ZDHHC14: variants seen among roughly 807,000 people sequenced by gnomAD.
The protein encoded by ZDHHC14 is palmitoyltransferase ZDHHC14.
ZDHHC14 carries 16 observed loss-of-function variants against 47.7 expected under a neutral mutation model. That is an observed-to-expected ratio of 0.34 (90% CI 0.23 to 0.51). The LOEUF is 0.51. ZDHHC14 is among the 20% of genes least tolerant of loss of function. ZDHHC14 has a pLI of 0.97. For synonymous variants in ZDHHC14, 293 were observed against 278.9 expected, an observed-to-expected ratio of 1.05 and a Z score of -0.50; for missense variants, 515 against 662.5, an observed-to-expected ratio of 0.78 and a Z score of 2.44.
chr6:157,465,717 T>G (rs1779196162), intron 1 of ZDHHC14, among the ~76,000 whole-genome samples: 1 of 152,170 alleles, frequency 6.6e-6, no homozygotes, highest in Non-Finnish European at 1.5e-5. Context: ...CCTCTGTGCC[T>G]TGGTCACTCT....
intron 1 of ZDHHC14, among the ~76,000 whole-genome samples, chr6:157,464,857 C>CTACGTCCCTCACAAA (rs1369913764): frequency 6.6e-6 from 1 of 152,182 alleles, no homozygotes; most frequent in Non-Finnish European, 1.5e-5. Flanking sequence ...TCACAAATCT[C>CTACGTCCCTCACAAA]TCTCGTACGT....
At chr6:157,622,238 AAT>A (rs1240198896) in intron 3 of ZDHHC14, among the ~76,000 whole-genome samples, 19 of 126,362 alleles carry the variant, frequency 1.5e-4, no homozygotes, top group African/African-American at 5.0e-4. Flanking sequence ...AAAAAAAAAA[AAT>A]AGCCAGATGT....
At chr6:157,583,646 C>T (rs999315251) in intron 2 of ZDHHC14, among the ~76,000 whole-genome samples, 3 of 152,136 alleles carry the variant, frequency 2.0e-5, no homozygotes, top group African/African-American at 4.8e-5. Context: ...AGCTCCTTGG[C>T]GTTTCCACAC....
intron 1 of ZDHHC14, among the ~76,000 whole-genome samples, chr6:157,425,447 A>C (rs1463214295): frequency 6.6e-6 from 1 of 152,166 alleles, no homozygotes; most frequent in Non-Finnish European, 1.5e-5. Flanking sequence ...TTAAATCTCT[A>C]ATTTCTTTCT....
Position 157,673,346 on chromosome 6 carries a change from A to G in ZDHHC14, c.*224A>G, listed in dbSNP as rs978721990. Reference sequence around the variant, plus strand: ...TCTTCCCCAACCTGAGTGCTTTGACAACAATGGAAATAGAGAAGTGGCTGC... The same window carrying G: ...TCTTCCCCAACCTGAGTGCTTTGACGACAATGGAAATAGAGAAGTGGCTGC... On this transcript the variant is annotated 3_prime_UTR_variant, in exon 9 of 9. Transcript: ENST00000359775. This position sits in a 1 kb window ranked among gnomAD's most constrained non-coding sequence, Gnocchi z 5.4. 3.1e-5 allele frequency: 18 copies of G among 580,674 alleles called. No homozygotes were observed. The highest frequency in any genetic ancestry group is 2.4e-4 in the Admixed American group (6 of 25,530). 36.0% of individuals were successfully genotyped at this position (580,674 alleles called of 1,614,324 possible).
intron 8 of ZDHHC14, among the ~76,000 whole-genome samples, chr6:157,671,515 G>A (rs1414670581): frequency 6.6e-6 from 1 of 152,208 alleles, no homozygotes; most frequent in African/African-American, 2.4e-5. Flanking sequence ...GGCTCAAGTT[G>A]AAGATTTATA....
chr6:157,424,927 G>A (rs183160369), intron 1 of ZDHHC14, among the ~76,000 whole-genome samples: 4 of 150,226 alleles, frequency 2.7e-5, no homozygotes, highest in East Asian at 4.1e-4. Context: ...CCGCCAGCCC[G>A]CCCACTCTCA....
intron 1 of ZDHHC14, among the ~76,000 whole-genome samples, chr6:157,517,241 G>A (rs919682802): frequency 6.6e-6 from 1 of 152,104 alleles, no homozygotes; most frequent in Non-Finnish European, 1.5e-5. Flanking sequence ...TAGTGGGAGT[G>A]GCTGCTTCCC....
chr6:157,384,329 C>T (rs1259545511), intron 1 of ZDHHC14, among the ~76,000 whole-genome samples: 1 of 152,180 alleles, frequency 6.6e-6, no homozygotes, highest in East Asian at 1.9e-4. Flanking sequence ...AGCTTCTAAC[C>T]AAACCATCAT....
At chr6:157,645,542 C>T (rs572752257) in intron 5 of ZDHHC14, among the ~76,000 whole-genome samples, 195 bp from the exon 6 acceptor site, 2 of 152,288 alleles carry the variant, frequency 1.3e-5, no homozygotes, top group South Asian at 4.1e-4. Flanking sequence ...GCAGGTGACA[C>T]CCCCTGCCCT....
chr6:157,602,621 C>T (rs1353761819), intron 3 of ZDHHC14, among the ~76,000 whole-genome samples: 1 of 152,036 alleles, frequency 6.6e-6, no homozygotes, highest in Non-Finnish European at 1.5e-5. Flanking sequence ...TATAGACTAC[C>T]TGGGGTACTG....
At chr6:157,606,852 C>T (rs150070545) in intron 3 of ZDHHC14, among the ~76,000 whole-genome samples, 6,283 of 152,298 alleles carry the variant, frequency 0.041, 179 homozygotes, top group Non-Finnish European at 0.062. Context: ...TTTCCACTAA[C>T]GTCTAAATGA....
intron 1 of ZDHHC14, among the ~76,000 whole-genome samples, chr6:157,485,119 A>T (rs1233751347): frequency 1.3e-5 from 2 of 152,126 alleles, no homozygotes; most frequent in Non-Finnish European, 2.9e-5. Context: ...AAAATAAATA[A>T]AATAAAATAA....
At chr6:157,569,302 G>T (rs918311763) in intron 2 of ZDHHC14, among the ~76,000 whole-genome samples, 1 of 151,928 alleles carries the variant, frequency 6.6e-6, no homozygotes, top group Non-Finnish European at 1.5e-5. Flanking sequence ...CTTTGAAGGT[G>T]TGGTTTTAAC....
chr6:157,391,008 G>GT (rs1211752122), intron 1 of ZDHHC14, among the ~76,000 whole-genome samples: 1 of 152,144 alleles, frequency 6.6e-6, no homozygotes, highest in African/African-American at 2.4e-5. Context: ...CAGGCCACTA[G>GT]TGTGTGTGAG....
chr6:157,412,491 C>G (rs1777890097), intron 1 of ZDHHC14, among the ~76,000 whole-genome samples: 1 of 152,082 alleles, frequency 6.6e-6, no homozygotes, highest in African/African-American at 2.4e-5. Context: ...CAGGGTTTCA[C>G]CATCTTGTCC....
chr6:157,507,553 A>G (rs1193559456), intron 1 of ZDHHC14, among the ~76,000 whole-genome samples: 1 of 152,198 alleles, frequency 6.6e-6, no homozygotes, highest in Non-Finnish European at 1.5e-5. Context: ...AAGTGCTGGA[A>G]TTTCAGACGT....
intron 1 of ZDHHC14, among the ~76,000 whole-genome samples, chr6:157,437,230 T>C (rs1382321230): frequency 1.3e-5 from 2 of 152,182 alleles, no homozygotes; most frequent in Non-Finnish European, 2.9e-5. Context: ...CCCATGAAGC[T>C]TTGTGCTGTA....
chr6:157,390,014 A>G (rs887234532), intron 1 of ZDHHC14, among the ~76,000 whole-genome samples: 2 of 151,984 alleles, frequency 1.3e-5, no homozygotes, highest in African/African-American at 4.8e-5. Context: ...CGTTTCTGGT[A>G]CTCTTCATTT....
Sources: gnomAD v4.1 joint callset for allele counts (sites outside exome capture counted in the v4.1 genomes callset) on GRCh38, gnomAD v4.1.1 for gene constraint, Gnocchi (gnomAD v3.1) non-coding constraint, MANE v1.5 for transcripts, NCBI Gene and HGNC (gene_info 2026-07-23, HGNC 2026-07-21) for gene names.